CDH13: variants seen among roughly 807,000 people sequenced by gnomAD.
CDH13 encodes cadherin-13.
CDH13 carries 24 observed loss-of-function variants against 63.8 expected under a neutral mutation model. The ratio of observed to expected loss-of-function variants is 0.38; its 90% confidence interval spans 0.27 to 0.53. The LOEUF (loss-of-function observed/expected upper bound fraction) is 0.53. Among genes scored for constraint, CDH13 ranks in the 20% least tolerant of loss-of-function variants. CDH13 has a pLI of 0.85. For synonymous variants in CDH13, 503 were observed against 355.3 expected (o/e 1.42, Z -4.67); for missense variants, 1,049 against 903.1 (o/e 1.16, Z -2.07).
At chr16:83,235,962 A>C (rs1462252269) in intron 5 of CDH13, among the ~76,000 whole-genome samples, 1 of 152,162 alleles carries the variant, frequency 6.6e-6, no homozygotes, top group Non-Finnish European at 1.5e-5. Flanking sequence ...TTACCATTTG[A>C]CTGCAATTGA....
At chr16:83,645,686 A>ACTCC (rs1286129323) in intron 8 of CDH13, among the ~76,000 whole-genome samples, 1 of 150,916 alleles carries the variant, frequency 6.6e-6, no homozygotes, top group Non-Finnish European at 1.5e-5. Context: ...CACTATGCTG[A>ACTCC]CTCCCAGAAA....
At chr16:83,762,152 G>C (rs1410506678) in intron 11 of CDH13, among the ~76,000 whole-genome samples, 1 of 152,164 alleles carries the variant, frequency 6.6e-6, no homozygotes, top group Non-Finnish European at 1.5e-5. Flanking sequence ...CTTTTGTTTT[G>C]CTACATCAAA....
chr16:83,124,750 G>C (rs2035736227), intron 3 of CDH13, among the ~76,000 whole-genome samples: 1 of 152,006 alleles, frequency 6.6e-6, no homozygotes. Flanking sequence ...TTCCATATGG[G>C]TGTTTAGGCC....
At chr16:83,720,594 G>C (rs1909562222) in intron 10 of CDH13, among the ~76,000 whole-genome samples, 1 of 151,826 alleles carries the variant, frequency 6.6e-6, no homozygotes, top group South Asian at 2.1e-4. Flanking sequence ...AAAAAAAAAA[G>C]ACACAAGGGG....
chr16:82,947,004 C>CTGTGTGTGTGTG (rs3223223), intron 2 of CDH13, among the ~76,000 whole-genome samples: 1,643 of 134,968 alleles, frequency 0.012, 13 homozygotes, highest in East Asian at 0.015. Flanking sequence ...GTGCGCACGC[C>CTGTGTGTGTGTG]TGTGTGTGTG....
At chr16:83,204,233 G>T (rs2039116512) in intron 4 of CDH13, among the ~76,000 whole-genome samples, 1 of 152,188 alleles carries the variant, frequency 6.6e-6, no homozygotes, top group Non-Finnish European at 1.5e-5. Context: ...TGAAGTATGG[G>T]TCAAGACCAT....
At chr16:83,353,802 T>C (rs1479643754) in intron 6 of CDH13, among the ~76,000 whole-genome samples, 1 of 152,202 alleles carries the variant, frequency 6.6e-6, no homozygotes, top group East Asian at 1.9e-4. Flanking sequence ...CTGGGTGAAC[T>C]GGGGAGATGT....
chr16:83,609,749 A>G (rs1908685431), intron 8 of CDH13, among the ~76,000 whole-genome samples: 1 of 152,228 alleles, frequency 6.6e-6, no homozygotes, highest in Non-Finnish European at 1.5e-5. Flanking sequence ...TAAAATTCAC[A>G]CTTTTAAAAT....
chr16:83,664,042 G>A (rs1435664330), intron 8 of CDH13, among the ~76,000 whole-genome samples: 1 of 151,850 alleles, frequency 6.6e-6, no homozygotes, highest in Non-Finnish European at 1.5e-5. Context: ...GGTGGTTTAG[G>A]CCTGTGGTCC....
chr16:83,467,695 G>T (rs965570073), intron 6 of CDH13, among the ~76,000 whole-genome samples: 1 of 152,050 alleles, frequency 6.6e-6, no homozygotes, highest in Non-Finnish European at 1.5e-5. Context: ...TGTCTGTGTC[G>T]TTCCTGGCTG....
chr16:82,908,930 AAGG>A (rs1285892787), intron 2 of CDH13, among the ~76,000 whole-genome samples: 1 of 152,164 alleles, frequency 6.6e-6, no homozygotes, highest in African/African-American at 2.4e-5. Flanking sequence ...ACCTGCATAT[AAGG>A]AGGGTCACTT....
At chr16:83,785,881 C>T (rs1036018853) in intron 13 of CDH13, among the ~76,000 whole-genome samples, 2 of 152,148 alleles carry the variant, frequency 1.3e-5, no homozygotes, top group African/African-American at 2.4e-5. Context: ...GTGACTCCAA[C>T]GTTTAGGTAC....
chr16:83,051,760 T>G (rs892488392), intron 3 of CDH13, among the ~76,000 whole-genome samples: 1 of 152,176 alleles, frequency 6.6e-6, no homozygotes, highest in African/African-American at 2.4e-5. Flanking sequence ...TAGTTATGAC[T>G]TGTATTATCC....
At chr16:83,014,830 GTATATATATTTGTATA>G (rs1914586381) in intron 2 of CDH13, among the ~76,000 whole-genome samples, 11 of 95,230 alleles carry the variant, frequency 1.2e-4, no homozygotes, top group African/African-American at 4.0e-4. Flanking sequence ...ATATATATTT[GTATATATATTTGTATA>G]TATATATTTG....
At chr16:83,457,439 A>T (rs2073053736) in intron 6 of CDH13, among the ~76,000 whole-genome samples, 1 of 152,096 alleles carries the variant, frequency 6.6e-6, no homozygotes, top group South Asian at 2.1e-4. Context: ...ATAGCCCCAG[A>T]CACGTCACTT....
chr16:82,737,126 G>T (rs968369918), intron 1 of CDH13, among the ~76,000 whole-genome samples: 3 of 152,148 alleles, frequency 2.0e-5, no homozygotes, highest in African/African-American at 7.2e-5. Context: ...CTTAAGCCTT[G>T]AACCCTCTAG....
At chr16:82,664,521 G>A (rs968219873) in intron 1 of CDH13, among the ~76,000 whole-genome samples, 12 of 152,236 alleles carry the variant, frequency 7.9e-5, no homozygotes, top group African/African-American at 2.9e-4. Flanking sequence ...GGTAAAATAA[G>A]ACACCAGTGT....
chr16:83,454,786 AACCTCC>A (rs1312546888), intron 6 of CDH13, among the ~76,000 whole-genome samples: 5 of 152,058 alleles, frequency 3.3e-5, no homozygotes, highest in African/African-American at 4.8e-5. Context: ...AGCTCACTGC[AACCTCC>A]ACCTCCCGGG....
chr16:83,106,576 A>G (rs6565124), intron 3 of CDH13, among the ~76,000 whole-genome samples: 1 of 152,082 alleles, frequency 6.6e-6, no homozygotes, highest in Non-Finnish European at 1.5e-5. Context: ...AAACAAAAAA[A>G]CAAGCATATC....
Sources: gnomAD v4.1 joint callset for allele counts (sites outside exome capture counted in the v4.1 genomes callset) on GRCh38, gnomAD v4.1.1 for gene constraint, MANE v1.5 for transcripts, NCBI Gene and HGNC (gene_info 2026-07-23, HGNC 2026-07-21) for gene names.